The following EHD2 variants were observed in gnomAD, a reference collection of about 807,000 sequenced individuals.
EHD2 encodes the protein EH domain-containing protein 2.
In EHD2, 27 loss-of-function variants were observed where a neutral mutation model predicts 41.0. That is an observed-to-expected ratio of 0.66 (90% CI 0.49 to 0.91). The LOEUF (loss-of-function observed/expected upper bound fraction) is 0.91, where lower values mean the gene tolerates loss of function less well. Ranked by LOEUF, EHD2 falls within the 40% of genes least tolerant of loss-of-function variation. The pLI is 0.00. For missense variants in EHD2, 673 were observed against 773.9 expected, an observed-to-expected ratio of 0.87 and a Z score of 1.55; for synonymous variants, 342 against 341.0, an observed-to-expected ratio of 1.00 and a Z score of -0.03.
chr19:47,716,765 G>A lies in EHD2; in HGVS notation c.153G>A (p.Glu51=). 6.2e-7 allele frequency: 1 copy of A among 1,613,340 alleles called. No individual in the cohort carries two copies. The highest frequency in any genetic ancestry group is 8.5e-7 in the Non-Finnish European group (1 of 1,179,724). Residue 51 remains glutamate, a synonymous_variant, in exon 2 of 6, where the codon GAG becomes GAA. Transcript: ENST00000263277. The part of the protein sequence containing the change: ...RFGAFHSPAL[E]DADFDGKPMV... ...GGGCCTTCCACTCGCCGGCCCTGGA[G>A]GACGCAGACTTCGACGGCAAGCCCA...
chr19:47,718,594 AG>A lies in EHD2; in HGVS notation c.491del (p.Arg164LysfsTer2). 6.4e-7 allele frequency: 1 copy of A among 1,564,922 alleles called. No individual in the cohort carries two copies. Among genetic ancestry groups the A allele is most frequent in the South Asian group, 1.2e-5 (1 of 85,416 alleles). On this transcript the variant is annotated frameshift_variant, in exon 3 of 6. Coordinates refer to ENST00000263277, the MANE Select transcript of EHD2 (RefSeq NM_014601.4). LOFTEE classifies it high-confidence loss of function. ...GGGTATCCTGTCGGGTGCCAAGCAG[AG>A]AGTGAGCCGCGGTGAGTGGGGCCAG... ...TPGILSGAKQRVSRGYDFPAV... is the reference protein window; with the variant it reads ...TPGILSGAKQXVSRGYDFPAV...
chr19:47,737,187 C>T (rs1966933091), intron 5 of EHD2, among the ~76,000 whole-genome samples: 1 of 145,462 alleles, frequency 6.9e-6, no homozygotes, highest in African/African-American at 2.6e-5. Flanking sequence ...GCCAAGATAG[C>T]GCCACTTTAC....
intron 3 of EHD2, among the ~76,000 whole-genome samples, chr19:47,721,164 GGTGTGTGTGTGT>G (rs60140753): frequency 1.0e-4 from 6 of 57,160 alleles, no homozygotes; most frequent in East Asian, 5.8e-4. Flanking sequence ...TGCTACTGGG[GGTGTGTGTGTGT>G]GTGTGTGTGT....
At chr19:47,731,785 ATT>A (rs35766063) in intron 4 of EHD2, among the ~76,000 whole-genome samples, 102 of 112,820 alleles carry the variant, frequency 9.0e-4, no homozygotes, top group Middle Eastern at 6.3e-3. Context: ...GATATACTGC[ATT>A]TTTTTTTTTT....
In EHD2 at chr19:47,719,634, G is replaced by A. The variant is rs1267274024; in HGVS notation, c.502+1028G>A. Among the ~76,000 whole-genome samples the A allele has an allele frequency of 6.6e-6, 1 of 152,118 alleles. No individual in the cohort carries two copies. Among genetic ancestry groups the A allele is most frequent in the Non-Finnish European group, 1.5e-5 (1 of 67,986 alleles). On this transcript the variant is annotated intron_variant, in intron 3 of 5. Coordinates refer to ENST00000263277, the MANE Select transcript of EHD2 (RefSeq NM_014601.4). This position sits in a 1 kb window ranked among gnomAD's most constrained non-coding sequence, Gnocchi z 4.1. ...GCCCTGGCGAGAAGGCTGGGCCTGGGGTGGGGTGGGGACGCTGGGGGTGAC... is the reference window on the plus strand; with the variant it reads ...GCCCTGGCGAGAAGGCTGGGCCTGGAGTGGGGTGGGGACGCTGGGGGTGAC...
At chr19:47,722,236 T>C (rs1973704657) in intron 3 of EHD2, among the ~76,000 whole-genome samples, 1 of 151,952 alleles carries the variant, frequency 6.6e-6, no homozygotes, top group African/African-American at 2.4e-5. Flanking sequence ...TTTTGCCACG[T>C]CTCCCATCCC....
chr19:47,738,174 G>C (rs542568390), intron 5 of EHD2, among the ~76,000 whole-genome samples: 2 of 152,040 alleles, frequency 1.3e-5, no homozygotes, highest in Admixed American at 1.3e-4. Flanking sequence ...GAGCCACCAT[G>C]CCTGACCAAG....
At position 47,741,019 on chromosome 19, in the gene EHD2, G is replaced by T. The variant is rs1178455192; in HGVS notation, c.1219G>T (p.Val407Leu). The change falls in exon 6 of 6, where the codon GTG becomes TTG. Residue 407 changes from valine to leucine, a missense_variant. Transcript: ENST00000263277. The surrounding 1 kb of genome is among the most constrained non-coding windows in gnomAD (Gnocchi z 4.5). ...GCAGGAGGAGCTGGAGAGCACCGAG[G>T]TGGGCGTGCAGGGGGGCGCTTTTGA... ...LRQEELESTE[V>L]GVQGGAFEGT... The T allele has an allele frequency of 6.2e-7, 1 of 1,610,428 alleles. No individual in the cohort carries two copies. The highest frequency in any genetic ancestry group is 1.1e-5 in the South Asian group (1 of 91,078).
Position 47,725,913 on chromosome 19 carries a change from G to C in EHD2, c.604G>C (p.Glu202Gln), listed in dbSNP as rs765525694. ...HKLEISDEFSEAIGALRGHED... is the reference protein window; with the variant it reads ...HKLEISDEFSQAIGALRGHED... ...GCTGGAGATCTCGGACGAGTTCTCA[G>C]AGGCCATCGGCGCGTTGCGGGGCCA... is the stretch of plus-strand genomic sequence containing the variant. Residue 202 changes from glutamate (E) to glutamine (Q), a missense_variant, in exon 4 of 6, where the codon GAG (glutamate) becomes CAG (glutamine). By Grantham distance (29) the Glu-to-Gln change is conservative. Transcript: ENST00000263277. The C allele has an allele frequency of 1.2e-6, 2 of 1,613,996 alleles. No homozygotes were observed. The highest frequency in any genetic ancestry group is 2.2e-5 in the East Asian group (1 of 44,866).
rs1180441341 is a variant in EHD2 at position 47,742,118 on chromosome 19, CATTT to C, written c.*691_*694del. ...GAAAGCCCCCAATTCTGCCCACACC[CATTT>C]ATTTCCTTCCTTCCTTCCTTCTTTT... On this transcript the variant is annotated 3_prime_UTR_variant, in exon 6 of 6. Coordinates refer to ENST00000263277, the MANE Select transcript of EHD2 (RefSeq NM_014601.4). 3 of 338,970 alleles carry C rather than the reference CATTT, an allele frequency of 8.9e-6. No homozygotes were observed. Among genetic ancestry groups the C allele is most frequent in the Non-Finnish European group, 1.7e-5 (3 of 175,152 alleles). 21.0% of individuals were successfully genotyped at this position (338,970 alleles called of 1,614,324 possible).
intron 3 of EHD2, among the ~76,000 whole-genome samples, chr19:47,723,384 G>T (rs191980134): frequency 3.3e-5 from 5 of 152,174 alleles, no homozygotes; most frequent in Non-Finnish European, 5.9e-5. Context: ...CATTATGGCC[G>T]GGCTCAGTGG....
chr19:47,714,762 TG>T (rs1973608157), intron 1 of EHD2, among the ~76,000 whole-genome samples: 1 of 152,032 alleles, frequency 6.6e-6, no homozygotes, highest in African/African-American at 2.4e-5. Context: ...TGAGCCGGCA[TG>T]GTGGCACACA....
In EHD2 at chr19:47,726,241, G is replaced by A; in HGVS notation, c.915+17G>A. 6.8e-7 allele frequency: 1 copy of A among 1,468,278 alleles called. No homozygotes were observed. Among genetic ancestry groups the A allele is most frequent in the Non-Finnish European group, 9.0e-7 (1 of 1,107,080 alleles). The allele number at this position is 1,468,278 out of a possible 1,614,324, so 91.0% of individuals were successfully genotyped here. ...CTGGTGCGAGTGAGTAGTCCTGAGG[G>A]CTGGGCGCGCATTCTTGGAGGAGGT... On this transcript the variant is annotated intron_variant, in intron 4 of 5. Transcript: ENST00000263277.
At chr19:47,716,368 C>T (rs1259020329) in intron 1 of EHD2, among the ~76,000 whole-genome samples, 190 bp from the exon 2 acceptor site, 6 of 152,022 alleles carry the variant, frequency 3.9e-5, no homozygotes, top group Admixed American at 3.3e-4. Flanking sequence ...TGAGCCATCG[C>T]GCCTGGCCCA....
At chr19:47,727,986 C>T (rs1402690836) in intron 4 of EHD2, among the ~76,000 whole-genome samples, 1 of 150,184 alleles carries the variant, frequency 6.7e-6, no homozygotes, top group Non-Finnish European at 1.5e-5. Flanking sequence ...ATCCCAGCTA[C>T]TTGGGAGGCT....
At chr19:47,737,473 A>G (rs1040086004) in intron 5 of EHD2, among the ~76,000 whole-genome samples, 3 of 151,494 alleles carry the variant, frequency 2.0e-5, no homozygotes, top group Non-Finnish European at 4.4e-5. Context: ...CCTGGCCAAC[A>G]TGGTGAAACC....
In EHD2 at chr19:47,741,090, C is replaced by T; in HGVS notation, c.1290C>T (p.Ala430=). The change falls in exon 6 of 6, where the codon GCC becomes GCT. Residue 430 remains alanine (A), a synonymous_variant. Transcript: ENST00000263277. The surrounding 1 kb of genome is among the most constrained non-coding windows in gnomAD (Gnocchi z 4.5). ...GPFVERGPDE[A]MEDGEEGSDD... is the part of the protein sequence containing the mutation. ...TTGTGGAGCGGGGACCTGACGAGGCCATGGAGGACGGCGAGGAGGGCTCGG... is the reference window on the plus strand; with the variant it reads ...TTGTGGAGCGGGGACCTGACGAGGCTATGGAGGACGGCGAGGAGGGCTCGG... 1 of 1,610,158 alleles carries T rather than the reference C, an allele frequency of 6.2e-7. No individual in the cohort carries two copies. The highest frequency in any genetic ancestry group is 8.5e-7 in the Non-Finnish European group (1 of 1,179,746).
intron 1 of EHD2, among the ~76,000 whole-genome samples, chr19:47,716,098 G>T (rs1218775747): frequency 7.1e-6 from 1 of 140,646 alleles, no homozygotes; most frequent in Admixed American, 7.3e-5. Flanking sequence ...TTGAGATGGG[G>T]TCTTACTCTG....
At chr19:47,716,068 C>CT (rs60295874) in intron 1 of EHD2, among the ~76,000 whole-genome samples, 18,364 of 100,082 alleles carry the variant, frequency 0.18, 2,211 homozygotes, top group African/African-American at 0.21. Context: ...TGTGCCTGGC[C>CT]TTTTTTTTTT....
Sources: allele counts gnomAD v4.1 joint callset (sites outside exome capture counted in the v4.1 genomes callset), GRCh38; gene constraint gnomAD v4.1.1; non-coding constraint Gnocchi (gnomAD v3.1); transcripts MANE v1.5; gene names NCBI Gene and HGNC (gene_info 2026-07-23, HGNC 2026-07-21).